NEDD4: variants seen among roughly 807,000 people sequenced by gnomAD.
The protein encoded by NEDD4 is NEDD4 E3 ubiquitin protein ligase.
In NEDD4, 99 loss-of-function variants were observed where a neutral mutation model predicts 144.9. That is an observed-to-expected ratio of 0.68 (90% confidence interval 0.58 to 0.81). NEDD4 has a LOEUF of 0.81. Ranked by LOEUF, NEDD4 falls within the 30% of genes least tolerant of loss-of-function variation. NEDD4 has a pLI of 0.00. For missense variants in NEDD4, 985 were observed against 1,065.9 expected, an observed-to-expected ratio of 0.92 and a Z score of 1.06; for synonymous variants, 318 against 350.6, an observed-to-expected ratio of 0.91 and a Z score of 1.04.
intron 1 of NEDD4, among the ~76,000 whole-genome samples, chr15:55,989,367 G>A (rs1023980205): frequency 6.6e-6 from 1 of 152,180 alleles, no homozygotes; most frequent in Non-Finnish European, 1.5e-5. Flanking sequence ...AAGCACTAAT[G>A]GCAAAAACAA....
At chr15:55,982,020 T>C (rs2037812272) in intron 1 of NEDD4, among the ~76,000 whole-genome samples, 1 of 152,340 alleles carries the variant, frequency 6.6e-6, no homozygotes. Context: ...CTGTTTTTTA[T>C]ACACAAAGTA....
At chr15:55,863,299 A>C (rs1269740007) in intron 8 of NEDD4, among the ~76,000 whole-genome samples, 1 of 152,192 alleles carries the variant, frequency 6.6e-6, no homozygotes, top group Non-Finnish European at 1.5e-5. Context: ...TTTGTTTAAA[A>C]TTGTCTAAAA....
rs745525670 is a variant in NEDD4, at chr15:55,993,605, G to C, written c.-50C>G. 3 of 1,579,610 alleles carry C rather than the reference G, an allele frequency of 1.9e-6. No homozygotes were observed. Among genetic ancestry groups the C allele is most frequent in the Non-Finnish European group, 2.6e-6 (3 of 1,166,650 alleles). ...ACGCGCTCGCCCCCGCCCAGGGCAG[G>C]CAACTGTGGAGGAGGAGGAGGAGAA... On this transcript the variant is annotated 5_prime_UTR_variant, in exon 1 of 29. Coordinates refer to ENST00000435532, the MANE Select transcript of NEDD4 (RefSeq NM_006154.4).
chr15:55,975,228 G>A (rs1192252836), intron 1 of NEDD4, among the ~76,000 whole-genome samples: 1 of 151,944 alleles, frequency 6.6e-6, no homozygotes, highest in Non-Finnish European at 1.5e-5. Flanking sequence ...TATAGTACTG[G>A]AAGTCCTAGC....
chr15:55,912,587 A>G (rs1308045720), intron 5 of NEDD4, among the ~76,000 whole-genome samples: 1 of 152,158 alleles, frequency 6.6e-6, no homozygotes, highest in Non-Finnish European at 1.5e-5. Flanking sequence ...CTAACAACAT[A>G]ACATAGGAGA....
chr15:55,916,718 T>C, intron 5 of NEDD4: 1 of 1,614,066 alleles, frequency 6.2e-7, no homozygotes, highest in Non-Finnish European at 8.5e-7. Context: ...AAATCCGTGT[T>C]GGTCTTTTGA....
chr15:55,839,684 T>C (rs1261878520), intron 21 of NEDD4, among the ~76,000 whole-genome samples: 1 of 151,668 alleles, frequency 6.6e-6, no homozygotes, highest in African/African-American at 2.4e-5. Context: ...ATTTAAAAAA[T>C]ATACACCATT....
chr15:55,827,286 T>G lies in NEDD4; in HGVS notation c.*2611A>C, dbSNP rs2032738313. On this transcript the variant is annotated 3_prime_UTR_variant, in exon 29 of 29. Transcript: ENST00000435532. ...TGATGTCCTTGCTTTATGAAAATGATCCTACTGACTGTCCCGCAGTAGAAT... is the reference window on the plus strand; with the variant it reads ...TGATGTCCTTGCTTTATGAAAATGAGCCTACTGACTGTCCCGCAGTAGAAT... The G allele has an allele frequency of 6.6e-6, 1 of 152,340 alleles. No homozygotes were observed. The highest frequency in any genetic ancestry group is 2.4e-5 in the African/African-American group (1 of 41,586). The allele number at this position is 152,340 out of a possible 1,614,324, so 9.4% of individuals were successfully genotyped here.
intron 19 of NEDD4, among the ~76,000 whole-genome samples, chr15:55,840,970 C>T (rs911128163): frequency 1.3e-5 from 2 of 152,158 alleles, no homozygotes; most frequent in Non-Finnish European, 2.9e-5. Context: ...GAGTCTTGCT[C>T]TCGCCCAGGC....
intron 4 of NEDD4, among the ~76,000 whole-genome samples, chr15:55,935,020 C>A (rs1368829941): frequency 6.6e-6 from 1 of 151,912 alleles, no homozygotes; most frequent in Non-Finnish European, 1.5e-5. Context: ...AGGCACCCAC[C>A]ACCATGCCTG....
chr15:55,840,328 T>C, intron 21 of NEDD4, 119 bp downstream of exon 21: 1 of 908,730 alleles, frequency 1.1e-6, no homozygotes. Context: ...AAAAAGTTCA[T>C]TTGTATTTTG....
chr15:55,901,203 T>G (rs1050657584), intron 5 of NEDD4, among the ~76,000 whole-genome samples: 13 of 152,130 alleles, frequency 8.5e-5, no homozygotes, highest in African/African-American at 2.9e-4. Context: ...TGTGATATCT[T>G]AACTATTGAG....
chr15:55,970,877 A>G (rs1394474859), intron 1 of NEDD4, among the ~76,000 whole-genome samples: 1 of 152,232 alleles, frequency 6.6e-6, no homozygotes, highest in Non-Finnish European at 1.5e-5. Flanking sequence ...TAATGTTCAG[A>G]CATTAGTGAA....
intron 5 of NEDD4, among the ~76,000 whole-genome samples, chr15:55,917,308 C>T (rs146015874): frequency 1.3e-5 from 2 of 152,234 alleles, no homozygotes; most frequent in African/African-American, 2.4e-5. Flanking sequence ...TTTCTCCAGC[C>T]GACTTTGCCC....
intron 5 of NEDD4, among the ~76,000 whole-genome samples, chr15:55,889,273 G>A (rs1223458447): frequency 1.3e-5 from 2 of 152,198 alleles, no homozygotes; most frequent in Non-Finnish European, 2.9e-5. Context: ...GCACTTCAGT[G>A]CTGAAGAGAT....
chr15:55,958,218 T>C (rs1179948750), intron 2 of NEDD4, among the ~76,000 whole-genome samples: 1 of 152,248 alleles, frequency 6.6e-6, no homozygotes, highest in Admixed American at 6.5e-5. Flanking sequence ...GTTAGTTTGC[T>C]GAGAGGTTTT....
At chr15:55,946,497 A>T (rs1286104085) in intron 4 of NEDD4, among the ~76,000 whole-genome samples, 1 of 152,194 alleles carries the variant, frequency 6.6e-6, no homozygotes, top group Non-Finnish European at 1.5e-5. Context: ...AAGCACCCAG[A>T]TTCATAAAGC....
At chr15:55,983,540 A>T (rs762465154) in intron 1 of NEDD4, among the ~76,000 whole-genome samples, 4 of 151,210 alleles carry the variant, frequency 2.6e-5, no homozygotes, top group Non-Finnish European at 5.9e-5. Flanking sequence ...ACTCCTATTC[A>T]TCCTTAGTTT....
At chr15:55,935,744 G>A (rs1170684543) in intron 4 of NEDD4, among the ~76,000 whole-genome samples, 1 of 151,468 alleles carries the variant, frequency 6.6e-6, no homozygotes, top group East Asian at 2.0e-4. Flanking sequence ...CTACTCGGGA[G>A]GCTGCGGCAG....
Sources: gnomAD v4.1 joint callset for allele counts (sites outside exome capture counted in the v4.1 genomes callset) on GRCh38, gnomAD v4.1.1 for gene constraint, MANE v1.5 for transcripts, NCBI Gene and HGNC (gene_info 2026-07-23, HGNC 2026-07-21) for gene names.